The following PRKG1 variants were observed in gnomAD, a reference collection of about 807,000 sequenced individuals.
PRKG1 encodes the protein cGMP-dependent protein kinase 1.
A neutral mutation model predicts 88.1 loss-of-function variants in PRKG1; 35 were observed. The observed-to-expected ratio is 0.40, with a 90% CI of 0.30 to 0.53. The LOEUF is 0.53. Ranked by LOEUF, PRKG1 falls within the 20% of genes least tolerant of loss-of-function variation. The pLI is 0.59. For synonymous variants in PRKG1, 303 were observed against 292.5 expected, an observed-to-expected ratio of 1.04 and a Z score of -0.37; for missense variants, 540 against 839.8, an observed-to-expected ratio of 0.64 and a Z score of 4.41.
At chr10:51,178,893 A>G (rs1202979638) in intron 2 of PRKG1, among the ~76,000 whole-genome samples, 1 of 152,240 alleles carries the variant, frequency 6.6e-6, no homozygotes, top group African/African-American at 2.4e-5. Context: ...TGACCTTCTA[A>G]TAACCAATAT....
At chr10:51,631,597 T>A (rs979632099) in intron 3 of PRKG1, among the ~76,000 whole-genome samples, 5 of 152,204 alleles carry the variant, frequency 3.3e-5, no homozygotes, top group Non-Finnish European at 7.3e-5. Context: ...CTAAGGTTAA[T>A]CTGTATTTGA....
chr10:51,765,971 A>G (rs368895643), intron 3 of PRKG1, among the ~76,000 whole-genome samples: 81 of 152,162 alleles, frequency 5.3e-4, no homozygotes, highest in African/African-American at 1.5e-3. Flanking sequence ...TGGCTCCCCA[A>G]TGAGTACACT....
chr10:51,612,997 A>T (rs1186915817), intron 3 of PRKG1, among the ~76,000 whole-genome samples: 1 of 151,702 alleles, frequency 6.6e-6, no homozygotes, highest in Admixed American at 6.6e-5. Flanking sequence ...TATCTTTTTG[A>T]TGTGATGTTG....
intron 4 of PRKG1, among the ~76,000 whole-genome samples, chr10:51,846,452 A>G (rs925378606): frequency 1.4e-4 from 22 of 152,168 alleles, no homozygotes; most frequent in African/African-American, 4.3e-4. Context: ...TCAAAGAAAT[A>G]AAAGAAAATG....
At chr10:51,128,624 G>C (rs78306152) in intron 1 of PRKG1, among the ~76,000 whole-genome samples, 2,607 of 152,268 alleles carry the variant, frequency 0.017, 64 homozygotes, top group African/African-American at 0.054. Flanking sequence ...TTAGACCAGG[G>C]TAAGTGGAAT....
chr10:51,616,449 G>T (rs1019854387), intron 3 of PRKG1, among the ~76,000 whole-genome samples: 1 of 152,178 alleles, frequency 6.6e-6, no homozygotes, highest in African/African-American at 2.4e-5. Flanking sequence ...GTTGACAGTG[G>T]CTGTGGTGGG....
chr10:51,311,099 A>G (rs1488501349), intron 2 of PRKG1, among the ~76,000 whole-genome samples: 1 of 152,150 alleles, frequency 6.6e-6, no homozygotes, highest in African/African-American at 2.4e-5. Context: ...CACTTTTCAC[A>G]CAGTAAGCAT....
At chr10:51,019,422 G>A in intron 1 of PRKG1, among the ~76,000 whole-genome samples, 1 of 152,116 alleles carries the variant, frequency 6.6e-6, no homozygotes. Context: ...ACAAATGGTG[G>A]TAGGAAAATT....
intron 5 of PRKG1, among the ~76,000 whole-genome samples, chr10:51,988,141 A>C (rs1369613152): frequency 6.6e-6 from 1 of 152,046 alleles, no homozygotes; most frequent in Non-Finnish European, 1.5e-5. Flanking sequence ...ACTTTGCATA[A>C]TATCGTTATG....
chr10:52,292,520 A>T (rs1159321669), intron 17 of PRKG1, among the ~76,000 whole-genome samples: 2 of 151,970 alleles, frequency 1.3e-5, no homozygotes, highest in Admixed American at 1.3e-4. Flanking sequence ...TAAATAGGGA[A>T]TCGTTTCCCC....
At chr10:51,160,372 A>G (rs775889259) in intron 2 of PRKG1, among the ~76,000 whole-genome samples, 1 of 151,956 alleles carries the variant, frequency 6.6e-6, no homozygotes, top group Admixed American at 6.6e-5. Context: ...TGCTCTCTCA[A>G]ATTGTGCTTG....
Position 50,991,310 on chromosome 10 carries a change from AGCCGCCGCCGCC to A in PRKG1, c.-47_-36del, listed in dbSNP as rs79957958. On this transcript the variant is annotated 5_prime_UTR_variant, in exon 1 of 18. Coordinates refer to the PRKG1 transcript ENST00000401604. The surrounding 1 kb of genome is among the most constrained non-coding windows in gnomAD (Gnocchi z 4.5). ...GCTCTCCGCTGCCGGCTGCCGTCCC[AGCCGCCGCCGCC>A]GCCGCCGCCGCCGCCGCCGCCCGAG... is the stretch of plus-strand genomic sequence containing the variant. 1,835 of 1,391,400 alleles carry A rather than the reference AGCCGCCGCCGCC, an allele frequency of 1.3e-3. 23 individuals are homozygous for A. The highest frequency in any genetic ancestry group is 9.7e-3 in the African/African-American group (593 of 61,148). 86.2% of individuals were successfully genotyped at this position (1,391,400 alleles called of 1,614,324 possible). A position where few individuals can be genotyped will look rare whatever the true frequency, so the allele number is the denominator to read the frequency against.
At chr10:51,270,782 C>T (rs369101875) in intron 2 of PRKG1, among the ~76,000 whole-genome samples, 1 of 152,190 alleles carries the variant, frequency 6.6e-6, no homozygotes, top group African/African-American at 2.4e-5. Context: ...CAACCCTCCA[C>T]TCCCTAGTTG....
chr10:52,131,844 A>AC (rs1837273829), intron 7 of PRKG1, among the ~76,000 whole-genome samples: 2 of 117,252 alleles, frequency 1.7e-5, no homozygotes, highest in Non-Finnish European at 3.9e-5. Flanking sequence ...AAAAAAAAAA[A>AC]AAGAGGCCAG....
chr10:51,293,247 T>C (rs1416790860), intron 2 of PRKG1, among the ~76,000 whole-genome samples: 1 of 152,128 alleles, frequency 6.6e-6, no homozygotes, highest in Middle Eastern at 3.2e-3. Flanking sequence ...TCTTAACATA[T>C]ATCAAGTACA....
chr10:50,994,349 A>C (rs1169908664), intron 1 of PRKG1, among the ~76,000 whole-genome samples: 5 of 151,944 alleles, frequency 3.3e-5, no homozygotes, highest in African/African-American at 1.2e-4. Context: ...AAATTGTTTA[A>C]AAATGTTCAG....
chr10:51,934,926 A>T (rs1347304718), intron 5 of PRKG1, among the ~76,000 whole-genome samples: 1 of 152,190 alleles, frequency 6.6e-6, no homozygotes, highest in Non-Finnish European at 1.5e-5. Context: ...GCCAGGACAG[A>T]GAAAGAAACA....
intron 8 of PRKG1, among the ~76,000 whole-genome samples, chr10:52,143,672 A>G (rs1408050541): frequency 6.6e-6 from 1 of 152,132 alleles, no homozygotes; most frequent in Non-Finnish European, 1.5e-5. Context: ...TAGTAGCCAG[A>G]CACAAGAGAA....
At chr10:51,417,214 G>GGTCT (rs1399280248) in intron 2 of PRKG1, among the ~76,000 whole-genome samples, 3 of 152,066 alleles carry the variant, frequency 2.0e-5, no homozygotes, top group Non-Finnish European at 2.9e-5. Flanking sequence ...TTCAAAAGAA[G>GGTCT]GTCTGTTCAT....
Sources: gnomAD v4.1 joint callset for allele counts (sites outside exome capture counted in the v4.1 genomes callset) on GRCh38, gnomAD v4.1.1 for gene constraint, Gnocchi (gnomAD v3.1) non-coding constraint, MANE v1.5 for transcripts, NCBI Gene and HGNC (gene_info 2026-07-23, HGNC 2026-07-21) for gene names.